Variants in INPP5A observed in about 807,000 individuals in gnomAD.
The protein encoded by INPP5A is inositol polyphosphate-5-phosphatase A, also known as 43 kDa inositol polyphosphate 5-phophatase.
INPP5A carries 14 observed loss-of-function variants against 65.2 expected under a neutral mutation model. The observed-to-expected ratio is 0.21, with a 90% CI of 0.14 to 0.34. The LOEUF (loss-of-function observed/expected upper bound fraction) is 0.34, where lower values mean the gene tolerates loss of function less well. INPP5A is among the 10% of genes least tolerant of loss of function. The probability of loss-of-function intolerance (pLI) is 1.00; values close to 1 mark genes in which losing one functional copy is unlikely to be tolerated. For synonymous variants in INPP5A, 207 were observed against 208.3 expected (o/e 0.99, Z 0.05); for missense variants, 431 against 545.6 (o/e 0.79, Z 2.09).
intron 11 of INPP5A, among the ~76,000 whole-genome samples, chr10:132,756,554 G>A (rs1404045166): frequency 5.3e-5 from 8 of 152,346 alleles, no homozygotes; most frequent in East Asian, 1.9e-4. Context: ...ACATCACAGC[G>A]TGGCGGCACT....
chr10:132,617,462 G>A (rs576866510), intron 2 of INPP5A, among the ~76,000 whole-genome samples: 7 of 152,318 alleles, frequency 4.6e-5, no homozygotes, highest in East Asian at 3.9e-4. Context: ...GGTGAGAGGC[G>A]GTGGAGGACC....
At chr10:132,778,960 G>A (rs767984905) in intron 13 of INPP5A, among the ~76,000 whole-genome samples, 4 of 152,244 alleles carry the variant, frequency 2.6e-5, no homozygotes, top group South Asian at 4.1e-4. Context: ...CTGCCGGGCC[G>A]GGTTCCTTAC....
At chr10:132,685,224 GGCCTCCT>G (rs1445427745) in intron 4 of INPP5A, among the ~76,000 whole-genome samples, 1 of 152,236 alleles carries the variant, frequency 6.6e-6, no homozygotes, top group East Asian at 1.9e-4. Flanking sequence ...CGCGGGCCGT[GGCCTCCT>G]CCCTCAACAC....
intron 2 of INPP5A, among the ~76,000 whole-genome samples, chr10:132,634,342 G>A (rs1018424679): frequency 2.7e-5 from 4 of 150,520 alleles, no homozygotes; most frequent in Non-Finnish European, 5.9e-5. Flanking sequence ...CTTGGTGGGT[G>A]TGCCCCGGAG....
intron 2 of INPP5A, among the ~76,000 whole-genome samples, chr10:132,617,686 C>T (rs536182689): frequency 6.6e-6 from 1 of 152,216 alleles, no homozygotes; most frequent in African/African-American, 2.4e-5. Context: ...CACCTGACTG[C>T]GTCTGGCACG....
chr10:132,757,388 C>A (rs573475894), intron 11 of INPP5A, among the ~76,000 whole-genome samples: 27 of 152,358 alleles, frequency 1.8e-4, no homozygotes, highest in Admixed American at 4.6e-4. Context: ...TTTACTGTTC[C>A]CTCTCTACGT....
intron 12 of INPP5A, among the ~76,000 whole-genome samples, chr10:132,769,813 G>A (rs1846918469): frequency 7.2e-6 from 1 of 138,256 alleles, no homozygotes; most frequent in African/African-American, 2.8e-5. Context: ...CCCCCCCCAA[G>A]TTCCTGATAC....
In INPP5A at chr10:132,587,262, T is replaced by TA. The variant is rs1471329312; in HGVS notation, c.76-20652dup. Among the ~76,000 whole-genome samples, 1 of 152,198 alleles carries TA rather than the reference T, an allele frequency of 6.6e-6. No individual in the cohort carries two copies. Among genetic ancestry groups the TA allele is most frequent in the Non-Finnish European group, 1.5e-5 (1 of 68,022 alleles). ...CAGCTTGGGCCCGTTCCTCACCTGT[T>TA]ACCTGCTGGCAGCAGGAGTGAGGGC... On this transcript the variant is annotated intron_variant, in intron 1 of 15. Coordinates refer to ENST00000368594, the MANE Select transcript of INPP5A (RefSeq NM_005539.5). This position sits in a 1 kb window ranked among gnomAD's most constrained non-coding sequence, Gnocchi z 4.3.
intron 1 of INPP5A, among the ~76,000 whole-genome samples, chr10:132,606,064 G>A (rs1380356309): frequency 1.3e-5 from 2 of 152,096 alleles, no homozygotes; most frequent in African/African-American, 4.8e-5. Context: ...CACAGTGAAC[G>A]GTGTGTCCAG....
At chr10:132,768,719 C>T (rs113546699) in intron 12 of INPP5A, among the ~76,000 whole-genome samples, 16 of 152,360 alleles carry the variant, frequency 1.1e-4, no homozygotes, top group African/African-American at 3.6e-4. Context: ...AGCTGGGAGC[C>T]GAGCCGCCAT....
At chr10:132,614,392 A>C (rs567913124) in intron 2 of INPP5A, among the ~76,000 whole-genome samples, 2 of 152,272 alleles carry the variant, frequency 1.3e-5, no homozygotes, top group African/African-American at 4.8e-5. Context: ...GCTTGAACCC[A>C]GGGGTCAGAG....
At chr10:132,671,379 ACTCCGCCCTCCCTGCTC>A (rs1564957929) in intron 4 of INPP5A, among the ~76,000 whole-genome samples, 13 of 133,372 alleles carry the variant, frequency 9.7e-5, no homozygotes, top group African/African-American at 3.6e-4. Flanking sequence ...CCTGCTTCGG[ACTCCGCCCTCCCTGCTC>A]TGGACTCCGC....
At chr10:132,691,483 A>G (rs1261996903) in intron 5 of INPP5A, among the ~76,000 whole-genome samples, 1 of 152,262 alleles carries the variant, frequency 6.6e-6, no homozygotes, top group Admixed American at 6.5e-5. Context: ...TGCTGCAGGA[A>G]GCTGGAGCCA....
At chr10:132,584,045 G>A (rs772609485) in intron 1 of INPP5A, among the ~76,000 whole-genome samples, 2 of 152,192 alleles carry the variant, frequency 1.3e-5, no homozygotes, top group Admixed American at 6.5e-5. Context: ...ACTGCGCCAC[G>A]ACACTCCAGC....
intron 8 of INPP5A, among the ~76,000 whole-genome samples, chr10:132,712,422 T>C (rs542296498): frequency 2.6e-5 from 3 of 115,324 alleles, no homozygotes; most frequent in Admixed American, 8.9e-5. Context: ...TGCATACATA[T>C]GTGTGTGCAC....
At position 132,753,010 on chromosome 10, in the gene INPP5A, C is replaced by T. The variant is rs749837551; in HGVS notation, c.903+3165C>T. Among the ~76,000 whole-genome samples, 4 of 152,066 alleles carry T rather than the reference C, an allele frequency of 2.6e-5. No homozygotes were observed. Among genetic ancestry groups the T allele is most frequent in the African/African-American group, 9.7e-5 (4 of 41,390 alleles). On this transcript the variant is annotated intron_variant, in intron 11 of 15. Coordinates refer to ENST00000368594, the MANE Select transcript of INPP5A (RefSeq NM_005539.5). The surrounding 1 kb of genome is among the most constrained non-coding windows in gnomAD (Gnocchi z 5.3). ...ACGTCGGGAGTCCCATGTGGAAAGG[C>T]GGCCTGAGCTCAGGAGGCGCCTTCT...
At chr10:132,771,381 C>T (rs561246280) in intron 12 of INPP5A, among the ~76,000 whole-genome samples, 44 of 152,366 alleles carry the variant, frequency 2.9e-4, no homozygotes, top group Admixed American at 2.5e-3. Flanking sequence ...CAGCACGGCC[C>T]GGCCTCTGCC....
intron 9 of INPP5A, among the ~76,000 whole-genome samples, chr10:132,743,873 C>T (rs1846321516): frequency 6.6e-6 from 1 of 152,240 alleles, no homozygotes; most frequent in Admixed American, 6.5e-5. Context: ...GCTGGGGCCA[C>T]ATCTGAGCCT....
chr10:132,774,321 T>C (rs1040963254), intron 12 of INPP5A, among the ~76,000 whole-genome samples: 8 of 152,212 alleles, frequency 5.3e-5, no homozygotes, highest in African/African-American at 1.9e-4. Flanking sequence ...TTCTCTGTAG[T>C]GTGCTGCACC....
Sources: gnomAD v4.1 joint callset for allele counts (sites outside exome capture counted in the v4.1 genomes callset) on GRCh38, gnomAD v4.1.1 for gene constraint, Gnocchi (gnomAD v3.1) non-coding constraint, MANE v1.5 for transcripts, NCBI Gene and HGNC (gene_info 2026-07-23, HGNC 2026-07-21) for gene names.